Variants in MTUS1 observed in about 807,000 individuals in gnomAD.
MTUS1 encodes the protein microtubule associated scaffold protein 1, also known as microtubule-associated tumor suppressor 1.
A neutral mutation model predicts 120.8 loss-of-function variants in MTUS1; 109 were observed. The ratio of observed to expected loss-of-function variants is 0.90; its 90% CI spans 0.77 to 1.06. The LOEUF (loss-of-function observed/expected upper bound fraction) is 1.06. MTUS1 is among the 50% of genes least tolerant of loss of function. The pLI, the probability that MTUS1 is intolerant of heterozygous loss-of-function variation, is 0.00. For missense variants in MTUS1, 2,210 were observed against 1,486.3 expected (o/e 1.49, Z -8.01); for synonymous variants, 737 against 550.5 (o/e 1.34, Z -4.74).
rs58668388 is a variant in MTUS1 at position 17,679,348 on chromosome 8, T to C, written c.2839-4096A>G. Among the ~76,000 whole-genome samples, 536 of 139,872 alleles carry C rather than the reference T, an allele frequency of 3.8e-3. 5 individuals carry two copies. The highest frequency in any genetic ancestry group is 0.013 in the African/African-American group (423 of 33,566). The allele number at this position is 139,872 out of a possible 152,430, so 91.8% of individuals were successfully genotyped here. ...TCTATTTTATATACATATGCATGTGTGCGCGCGCGTGTGTGTGTGTGTGTG... is the reference window on the plus strand; with the variant it reads ...TCTATTTTATATACATATGCATGTGCGCGCGCGCGTGTGTGTGTGTGTGTG... On this transcript the variant is annotated intron_variant, in intron 7 of 14. Transcript: ENST00000693296.
intron 6 of MTUS1, among the ~76,000 whole-genome samples, chr8:17,696,684 G>T (rs1215892262): frequency 6.6e-6 from 1 of 152,056 alleles, no homozygotes; most frequent in Non-Finnish European, 1.5e-5. Context: ...AAACCTCAGG[G>T]GAAGTATTTT....
intron 1 of MTUS1, among the ~76,000 whole-genome samples, chr8:17,777,308 C>T (rs556066173): frequency 2.0e-5 from 3 of 152,028 alleles, no homozygotes; most frequent in Admixed American, 1.3e-4. Context: ...GACATGGTGG[C>T]GCACACCGGT....
At chr8:17,763,961 G>C (rs1196767354) in intron 1 of MTUS1, among the ~76,000 whole-genome samples, 1 of 152,140 alleles carries the variant, frequency 6.6e-6, no homozygotes, top group East Asian at 1.9e-4. Context: ...GGAACCACAA[G>C]ATGGAACAAG....
intron 6 of MTUS1, among the ~76,000 whole-genome samples, chr8:17,708,394 G>A (rs114515440): frequency 0.042 from 6,453 of 152,280 alleles, 160 homozygotes; most frequent in Middle Eastern, 0.065. Flanking sequence ...AAACAACAAT[G>A]AGGTATCACT....
intron 6 of MTUS1, chr8:17,697,200 C>A (rs879332758): frequency 1.2e-4 from 180 of 1,521,044 alleles, no homozygotes; most frequent in Middle Eastern, 1.8e-4. Flanking sequence ...TAAACATCTG[C>A]AAATTAATGA....
chr8:17,675,726 G>T (rs1228270463), intron 7 of MTUS1, among the ~76,000 whole-genome samples: 1 of 152,128 alleles, frequency 6.6e-6, no homozygotes, highest in Non-Finnish European at 1.5e-5. Flanking sequence ...CTAAAAGAAA[G>T]ACAAAAAGTT....
chr8:17,673,605 C>G lies in MTUS1; in HGVS notation c.2905+1581G>C, dbSNP rs57375034. Among the ~76,000 whole-genome samples, 263 of 152,296 alleles carry G rather than the reference C, an allele frequency of 1.7e-3. 2 individuals are homozygous for G. Among genetic ancestry groups the G allele is most frequent in the African/African-American group, 4.2e-3 (173 of 41,576 alleles). ...TAGCTGGGACAACAGGCACACACCA[C>G]CATGCTTGGCTGATTTTTAAATTAT... On this transcript the variant is annotated intron_variant, in intron 8 of 14. Transcript: ENST00000693296.
chr8:17,656,976 G>A lies in MTUS1; in HGVS notation c.2906-911C>T, dbSNP rs531913626. Among the ~76,000 whole-genome samples the A allele has an allele frequency of 3.0e-3, 439 of 147,782 alleles. 1 individual carries two copies. Among genetic ancestry groups the A allele is most frequent in the Non-Finnish European group, 4.8e-3 (320 of 67,076 alleles). On this transcript the variant is annotated intron_variant, in intron 8 of 14. Transcript: ENST00000693296. Reference sequence around the variant, plus strand: ...CGGGAAGTTGAGGCAGGAGAATGGCGTGAACCCAGGAGGCGGAGCTTCCAG... The same window carrying A: ...CGGGAAGTTGAGGCAGGAGAATGGCATGAACCCAGGAGGCGGAGCTTCCAG...
At chr8:17,749,451 G>A (rs185156348) in intron 2 of MTUS1, among the ~76,000 whole-genome samples, 105 of 152,114 alleles carry the variant, frequency 6.9e-4, no homozygotes, top group African/African-American at 2.4e-3. Flanking sequence ...ATGAGGCCAG[G>A]AGTTCGAGAC....
intron 8 of MTUS1, among the ~76,000 whole-genome samples, chr8:17,672,800 C>T (rs924354190): frequency 1.3e-5 from 2 of 152,210 alleles, no homozygotes; most frequent in African/African-American, 4.8e-5. Flanking sequence ...GGACAGCTTC[C>T]TTATCAAGGA....
chr8:17,782,607 T>A (rs1234131156), intron 1 of MTUS1, among the ~76,000 whole-genome samples: 4 of 152,160 alleles, frequency 2.6e-5, no homozygotes, highest in African/African-American at 7.2e-5. Context: ...GAAAATACAT[T>A]TATGTATTTC....
chr8:17,737,804 A>G (rs1001140054), intron 3 of MTUS1, among the ~76,000 whole-genome samples: 6 of 152,160 alleles, frequency 3.9e-5, no homozygotes, highest in African/African-American at 9.7e-5. Flanking sequence ...GGCTTTTAGA[A>G]TAACTTATTG....
chr8:17,771,160 T>C (rs963400433), intron 1 of MTUS1, among the ~76,000 whole-genome samples: 7 of 152,110 alleles, frequency 4.6e-5, no homozygotes, highest in African/African-American at 1.7e-4. Flanking sequence ...ACTTAGGAAC[T>C]TCAGACTGCT....
At chr8:17,681,731 A>T (rs1302020876) in intron 7 of MTUS1, 3 of 154,792 alleles carry the variant, frequency 1.9e-5, no homozygotes, top group Non-Finnish European at 4.4e-5. Context: ...ATAACATTAA[A>T]AGGGGCAGTT....
intron 8 of MTUS1, among the ~76,000 whole-genome samples, chr8:17,666,889 C>A (rs975483749): frequency 5.3e-5 from 8 of 152,136 alleles, no homozygotes; most frequent in African/African-American, 1.9e-4. Context: ...AAACAAAGTG[C>A]AGATTCCTGG....
chr8:17,755,990 T>G (rs1356498028), intron 1 of MTUS1, 29 bp from the exon 2 acceptor site: 5 of 1,370,394 alleles, frequency 3.6e-6, no homozygotes, highest in East Asian at 2.6e-5. Flanking sequence ...TTAACTCAAG[T>G]AACTATAAGA....
intron 2 of MTUS1, among the ~76,000 whole-genome samples, chr8:17,750,509 CGT>C (rs2048104637): frequency 2.6e-5 from 4 of 152,102 alleles, no homozygotes; most frequent in African/African-American, 9.7e-5. Flanking sequence ...ATTTTGAAAC[CGT>C]ATGGTGTATG....
At chr8:17,799,786 C>T (rs561441032) in intron 1 of MTUS1, among the ~76,000 whole-genome samples, 1 of 152,158 alleles carries the variant, frequency 6.6e-6, no homozygotes, top group East Asian at 1.9e-4. Flanking sequence ...TTAAAAAGAA[C>T]AGGTGAAAAA....
At chr8:17,664,665 C>G (rs1408756466) in intron 8 of MTUS1, among the ~76,000 whole-genome samples, 8 of 152,054 alleles carry the variant, frequency 5.3e-5, no homozygotes, top group Admixed American at 5.2e-4. Flanking sequence ...CTCTTGTGCC[C>G]CACCCCCAGA....
Sources: allele counts gnomAD v4.1 joint callset (sites outside exome capture counted in the v4.1 genomes callset), GRCh38; gene constraint gnomAD v4.1.1; transcripts MANE v1.5; gene names NCBI Gene and HGNC (gene_info 2026-07-23, HGNC 2026-07-21).